STXBP6: variants seen among roughly 807,000 people sequenced by gnomAD.
The protein encoded by STXBP6 is syntaxin binding protein 6.
In STXBP6, 21 loss-of-function variants were observed where a neutral mutation model predicts 26.9. That is an observed-to-expected ratio of 0.78 (90% CI 0.55 to 1.12). STXBP6 has a LOEUF of 1.12. STXBP6 is among the 50% of genes most tolerant of loss of function. STXBP6 has a pLI of 0.00. For missense variants in STXBP6, 232 were observed against 257.9 expected (o/e 0.90, Z 0.69); for synonymous variants, 97 against 92.6 (o/e 1.05, Z -0.27).
chr14:25,020,470 G>C (rs932526763), intron 1 of STXBP6, among the ~76,000 whole-genome samples: 2 of 151,914 alleles, frequency 1.3e-5, no homozygotes, highest in African/African-American at 2.4e-5. Flanking sequence ...TAAATCATTC[G>C]AACCCTGACC....
chr14:24,957,106 C>T (rs139472925), intron 2 of STXBP6, among the ~76,000 whole-genome samples: 2 of 152,216 alleles, frequency 1.3e-5, no homozygotes, highest in Non-Finnish European at 2.9e-5. Flanking sequence ...ATTTACACAC[C>T]AAGTCCATAA....
intron 1 of STXBP6, among the ~76,000 whole-genome samples, chr14:25,002,620 A>G (rs919925798): frequency 2.0e-5 from 3 of 151,986 alleles, no homozygotes; most frequent in Non-Finnish European, 4.4e-5. Flanking sequence ...CGGCCTCTCA[A>G]AGTGCTGGGA....
At chr14:24,861,832 A>G (rs2069549323) in intron 2 of STXBP6, among the ~76,000 whole-genome samples, 1 of 152,284 alleles carries the variant, frequency 6.6e-6, no homozygotes, top group South Asian at 2.1e-4. Context: ...TATGTAACCC[A>G]GAGTTGCAAA....
intron 1 of STXBP6, among the ~76,000 whole-genome samples, chr14:24,992,780 CTA>C (rs1242127997): frequency 1.3e-5 from 2 of 152,154 alleles, no homozygotes; most frequent in Non-Finnish European, 2.9e-5. Flanking sequence ...CATCCCAGCC[CTA>C]TATGATACTA....
rs71121808 is a variant in STXBP6, at chr14:24,976,852, CTTT to C, written c.-32-2005_-32-2003del. ...CAAAGTCCTGAGCTGACTGGGCGCT[CTTT>C]TTTTTTTTTTTTTTTTTTTTTTTTT... On this transcript the variant is annotated intron_variant, in intron 1 of 5. Coordinates refer to ENST00000323944, the MANE Select transcript of STXBP6 (RefSeq NM_001394410.1). Among the ~76,000 whole-genome samples, 372 of 45,236 alleles carry C rather than the reference CTTT, an allele frequency of 8.2e-3. 1 individual carries two copies. Among genetic ancestry groups the C allele is most frequent in the African/African-American group, 0.036 (315 of 8,868 alleles). 29.7% of individuals were successfully genotyped at this position (45,236 alleles called of 152,430 possible).
intron 2 of STXBP6, among the ~76,000 whole-genome samples, chr14:24,948,714 T>A (rs948427928): frequency 4.6e-5 from 7 of 152,200 alleles, no homozygotes; most frequent in African/African-American, 1.4e-4. Context: ...TTGTAGAGTT[T>A]ATCCTTAACA....
intron 1 of STXBP6, among the ~76,000 whole-genome samples, chr14:25,033,704 C>T (rs139761419): frequency 1.9e-3 from 287 of 152,224 alleles, no homozygotes; most frequent in Non-Finnish European, 3.4e-3. Flanking sequence ...TTGACTAGGC[C>T]AAACTCCCTC....
Position 24,812,589 on chromosome 14 carries a change from C to G in STXBP6, c.*120G>C. ...AACATCTGAAAAGAAAAAACAAAAA[C>G]CACTCTAAGTGTCCAAATATTGGAA... On this transcript the variant is annotated 3_prime_UTR_variant, in exon 6 of 6. Coordinates refer to ENST00000323944, the MANE Select transcript of STXBP6 (RefSeq NM_001394410.1). 2 of 943,786 alleles carry G rather than the reference C, an allele frequency of 2.1e-6. No individual in the cohort carries two copies. The highest frequency in any genetic ancestry group is 1.6e-6 in the Non-Finnish European group (1 of 610,160). 58.5% of individuals were successfully genotyped at this position (943,786 alleles called of 1,614,324 possible).
intron 2 of STXBP6, among the ~76,000 whole-genome samples, chr14:24,944,101 C>T (rs2072897934): frequency 6.6e-6 from 1 of 152,184 alleles, no homozygotes; most frequent in Non-Finnish European, 1.5e-5. Context: ...CAAGAAGAGG[C>T]TCAGGCTATG....
At chr14:24,925,877 C>T (rs775208629) in intron 2 of STXBP6, among the ~76,000 whole-genome samples, 4 of 152,048 alleles carry the variant, frequency 2.6e-5, no homozygotes, top group Admixed American at 6.6e-5. Context: ...CTGATGTGCT[C>T]GGAAGTTACA....
At chr14:24,818,024 A>G in intron 5 of STXBP6, 1 of 456,532 alleles carries the variant, frequency 2.2e-6, no homozygotes, top group South Asian at 1.5e-5. Flanking sequence ...TATTCTTCTC[A>G]TTGCTTTTTA....
At chr14:24,929,416 T>C (rs1027787230) in intron 2 of STXBP6, among the ~76,000 whole-genome samples, 5 of 152,246 alleles carry the variant, frequency 3.3e-5, no homozygotes, top group African/African-American at 7.2e-5. Context: ...CATATACTTA[T>C]GGCAATATAT....
At chr14:24,886,019 C>T (rs926905889) in intron 2 of STXBP6, among the ~76,000 whole-genome samples, 5 of 152,178 alleles carry the variant, frequency 3.3e-5, no homozygotes, top group African/African-American at 1.2e-4. Context: ...GCTTCTTTCT[C>T]TATGTTAACA....
Position 24,922,034 on chromosome 14 carries a change from C to T in STXBP6, c.154+52631G>A, listed in dbSNP as rs118158006. Among the ~76,000 whole-genome samples, 130 of 152,034 alleles carry T rather than the reference C, an allele frequency of 8.6e-4. 1 individual carries two copies. In the East Asian group the frequency reaches 0.024, roughly 28 times the overall value. On this transcript the variant is annotated intron_variant, in intron 2 of 5. Coordinates refer to ENST00000323944, the MANE Select transcript of STXBP6 (RefSeq NM_001394410.1). ...CCATGCATCATATTCCAGGCCTTGC[C>T]GAGACTCCTGTCATCTTCCAGTCAT...
intron 4 of STXBP6, among the ~76,000 whole-genome samples, chr14:24,849,913 G>A (rs1053569204): frequency 6.6e-6 from 1 of 152,092 alleles, no homozygotes; most frequent in African/African-American, 2.4e-5. Flanking sequence ...CTTTATTCTT[G>A]AGAAATAAAC....
chr14:24,895,684 T>C (rs2070963145), intron 2 of STXBP6, among the ~76,000 whole-genome samples: 1 of 152,192 alleles, frequency 6.6e-6, no homozygotes, highest in Non-Finnish European at 1.5e-5. Flanking sequence ...TCCATTATAA[T>C]AGTAAGTCAG....
At chr14:24,982,878 G>A (rs539211303) in intron 1 of STXBP6, among the ~76,000 whole-genome samples, 2 of 152,296 alleles carry the variant, frequency 1.3e-5, no homozygotes, top group East Asian at 3.9e-4. Flanking sequence ...TTTCACAAAT[G>A]ATATGACAAA....
At chr14:24,814,741 T>C (rs1423495221) in intron 5 of STXBP6, among the ~76,000 whole-genome samples, 1 of 152,188 alleles carries the variant, frequency 6.6e-6, no homozygotes, top group Non-Finnish European at 1.5e-5. Context: ...AGGTGGAATC[T>C]TTGAGAGGTA....
intron 2 of STXBP6, among the ~76,000 whole-genome samples, chr14:24,867,191 T>G (rs2069754246): frequency 6.6e-6 from 1 of 152,136 alleles, no homozygotes; most frequent in Non-Finnish European, 1.5e-5. Flanking sequence ...TTGGCCCTTT[T>G]GCCCTTTTGC....
Sources: allele counts gnomAD v4.1 joint callset (sites outside exome capture counted in the v4.1 genomes callset), GRCh38; gene constraint gnomAD v4.1.1; transcripts MANE v1.5; gene names NCBI Gene and HGNC (gene_info 2026-07-23, HGNC 2026-07-21).